Variants in ABCA13 observed in about 807,000 individuals in gnomAD.
ABCA13 encodes the protein ATP-binding cassette sub-family A member 13.
Under a neutral mutation model 478.7 loss-of-function variants are expected in ABCA13, and 476 were observed. That is an observed-to-expected ratio of 0.99 (90% CI 0.92 to 1.07). The LOEUF (loss-of-function observed/expected upper bound fraction) is 1.07, where lower values mean the gene tolerates loss of function less well. ABCA13 is among the 50% of genes least tolerant of loss of function. The pLI, the probability that ABCA13 is intolerant of heterozygous loss-of-function variation, is 0.00. For missense variants in ABCA13, 6,060 were observed against 5,910.6 expected, an observed-to-expected ratio of 1.03 and a Z score of -0.83; for synonymous variants, 2,252 against 2,158.9, an observed-to-expected ratio of 1.04 and a Z score of -1.20.
At chr7:48,192,633 A>G (rs1179910630) in intron 1 of ABCA13, among the ~76,000 whole-genome samples, 2 of 152,242 alleles carry the variant, frequency 1.3e-5, no homozygotes, top group Non-Finnish European at 2.9e-5. Flanking sequence ...AAAAATAAAA[A>G]TAGTTGCTGT....
At chr7:48,522,558 A>G (rs1268447813) in intron 53 of ABCA13, among the ~76,000 whole-genome samples, 1 of 152,132 alleles carries the variant, frequency 6.6e-6, no homozygotes, top group African/African-American at 2.4e-5. Flanking sequence ...AATTCTTCCT[A>G]TTTAATACAG....
chr7:48,374,261 T>C, intron 33 of ABCA13, 86 bp from the exon 34 acceptor site: 1 of 1,242,038 alleles, frequency 8.1e-7, no homozygotes, highest in Non-Finnish European at 1.1e-6. Context: ...TGTCATGGCT[T>C]CGCTCCTTGA....
intron 41 of ABCA13, among the ~76,000 whole-genome samples, chr7:48,412,993 A>G (rs920183464): frequency 3.3e-5 from 5 of 151,482 alleles, no homozygotes; most frequent in Admixed American, 1.3e-4. Flanking sequence ...TTGTATTTTT[A>G]GTAGAGATGG....
intron 3 of ABCA13, among the ~76,000 whole-genome samples, chr7:48,213,004 T>C (rs566837174): frequency 8.5e-5 from 13 of 152,166 alleles, no homozygotes; most frequent in Non-Finnish European, 1.6e-4. Flanking sequence ...CCTAATATTT[T>C]TGAAGATTGT....
chr7:48,464,439 T>C (rs1301449336), intron 43 of ABCA13, among the ~76,000 whole-genome samples: 1 of 152,234 alleles, frequency 6.6e-6, no homozygotes, highest in African/African-American at 2.4e-5. Context: ...TACGAATATT[T>C]TAAAATCTTT....
intron 58 of ABCA13, among the ~76,000 whole-genome samples, chr7:48,613,952 GTTAT>G (rs1259345197): frequency 1.4e-5 from 2 of 147,518 alleles, no homozygotes; most frequent in Non-Finnish European, 3.0e-5. Flanking sequence ...ACATTAAAAT[GTTAT>G]TTATGGTATT....
At chr7:48,297,531 T>C (rs1299101610) in intron 22 of ABCA13, among the ~76,000 whole-genome samples, 1 of 152,138 alleles carries the variant, frequency 6.6e-6, no homozygotes, top group Non-Finnish European at 1.5e-5. Context: ...GCTTCTGTGG[T>C]CTGGATTTTG....
chr7:48,301,823 G>C (rs7802049), intron 23 of ABCA13, among the ~76,000 whole-genome samples: 72,368 of 151,800 alleles, frequency 0.48, 17,687 homozygotes, highest in East Asian at 0.78. Context: ...TCTTTGATTT[G>C]TTTGATTTGT....
chr7:48,598,419 T>G (rs962449558), intron 58 of ABCA13, among the ~76,000 whole-genome samples: 1 of 152,196 alleles, frequency 6.6e-6, no homozygotes, highest in Non-Finnish European at 1.5e-5. Context: ...TGTGAACATA[T>G]TTTCAACTCC....
intron 32 of ABCA13, among the ~76,000 whole-genome samples, chr7:48,370,215 G>A (rs1812416560): frequency 6.6e-6 from 1 of 152,100 alleles, no homozygotes. Flanking sequence ...GTGTATAGCA[G>A]AGCTACTGAT....
chr7:48,353,418 G>A (rs1809369880), intron 31 of ABCA13, among the ~76,000 whole-genome samples: 1 of 151,616 alleles, frequency 6.6e-6, no homozygotes, highest in Non-Finnish European at 1.5e-5. Flanking sequence ...AGCACACTAG[G>A]AAGTAAGTGG....
At chr7:48,416,473 A>G (rs1820006965) in intron 41 of ABCA13, among the ~76,000 whole-genome samples, 1 of 152,158 alleles carries the variant, frequency 6.6e-6, no homozygotes, top group Non-Finnish European at 1.5e-5. Context: ...CACTCACTGC[A>G]GAATGACTCC....
At chr7:48,243,948 A>G (rs1791276645) in intron 10 of ABCA13, among the ~76,000 whole-genome samples, 1 of 152,228 alleles carries the variant, frequency 6.6e-6, no homozygotes, top group South Asian at 2.1e-4. Context: ...CAGTGTGGCT[A>G]TGCCTTGCTT....
intron 38 of ABCA13, among the ~76,000 whole-genome samples, chr7:48,394,841 C>T (rs575627869): frequency 6.6e-6 from 1 of 152,214 alleles, no homozygotes; most frequent in South Asian, 2.1e-4. Flanking sequence ...CCCTCAACCC[C>T]CTTGAGTTCA....
intron 59 of ABCA13, among the ~76,000 whole-genome samples, chr7:48,640,455 T>C (rs550880278): frequency 3.0e-4 from 46 of 152,364 alleles, no homozygotes; most frequent in South Asian, 2.7e-3. Context: ...TTACATTTAA[T>C]GTTTGTGGTT....
chr7:48,577,372 C>A (rs1788283363), intron 55 of ABCA13, among the ~76,000 whole-genome samples: 1 of 151,864 alleles, frequency 6.6e-6, no homozygotes, highest in African/African-American at 2.4e-5. Context: ...AAAGAAAATA[C>A]AAATTACTAA....
At chr7:48,423,417 G>A (rs912666537) in intron 41 of ABCA13, among the ~76,000 whole-genome samples, 3 of 152,122 alleles carry the variant, frequency 2.0e-5, no homozygotes, top group African/African-American at 7.2e-5. Flanking sequence ...AAGCAAAAAA[G>A]TACCTTGCAC....
chr7:48,585,051 T>C (rs1236325599), intron 56 of ABCA13, among the ~76,000 whole-genome samples: 1 of 152,226 alleles, frequency 6.6e-6, no homozygotes, highest in African/African-American at 2.4e-5. Context: ...TTTACACTTC[T>C]TGGCCATTCT....
At chr7:48,305,723 G>T (rs1349521706) in intron 23 of ABCA13, among the ~76,000 whole-genome samples, 1 of 152,174 alleles carries the variant, frequency 6.6e-6, no homozygotes, top group Non-Finnish European at 1.5e-5. Flanking sequence ...TGCTAAAAAT[G>T]CAAATGCCTC....
Sources: gnomAD v4.1 joint callset for allele counts (sites outside exome capture counted in the v4.1 genomes callset) on GRCh38, gnomAD v4.1.1 for gene constraint, MANE v1.5 for transcripts, NCBI Gene and HGNC (gene_info 2026-07-23, HGNC 2026-07-21) for gene names.